The following RPH3A variants were observed in gnomAD, a reference collection of about 807,000 sequenced individuals.
RPH3A encodes rabphilin 3A.
In RPH3A, 48 loss-of-function variants were observed where a neutral mutation model predicts 102.2. The ratio of observed to expected loss-of-function variants is 0.47; its 90% CI spans 0.37 to 0.60. RPH3A has a LOEUF of 0.60. RPH3A is among the 20% of genes least tolerant of loss of function. RPH3A has a pLI of 0.00. For missense variants in RPH3A, 781 were observed against 910.1 expected (o/e 0.86, Z 1.83); for synonymous variants, 310 against 324.3 (o/e 0.96, Z 0.47).
intron 1 of RPH3A, among the ~76,000 whole-genome samples, chr12:112,628,756 A>G (rs1426457535): frequency 6.6e-6 from 1 of 151,914 alleles, no homozygotes; most frequent in Non-Finnish European, 1.5e-5. Flanking sequence ...GAAAAATTAC[A>G]AAAAACAAAC....
In RPH3A at chr12:112,875,065, T is replaced by C; in HGVS notation, c.797-19T>C. 1.3e-6 allele frequency: 2 copies of C among 1,590,894 alleles called. No individual in the cohort carries two copies. Among genetic ancestry groups the C allele is most frequent in the African/African-American group, 2.7e-5 (2 of 74,726 alleles). ...TGTGTGTGACACATAATGGCTGTTTTCTTTTCTTTCCTCTGCAGGTTTGAG... is the reference window on the plus strand; with the variant it reads ...TGTGTGTGACACATAATGGCTGTTTCCTTTTCTTTCCTCTGCAGGTTTGAG... On this transcript the variant is annotated intron_variant, in intron 10 of 21. Coordinates refer to ENST00000389385, the MANE Select transcript of RPH3A (RefSeq NM_001143854.2).
intron 1 of RPH3A, among the ~76,000 whole-genome samples, chr12:112,770,645 A>G (rs1389919416): frequency 6.6e-6 from 1 of 152,214 alleles, no homozygotes; most frequent in Non-Finnish European, 1.5e-5. Context: ...CAATTCTGTC[A>G]TTCTTAAAGT....
chr12:112,678,217 A>G (rs1323942920), intron 1 of RPH3A, among the ~76,000 whole-genome samples: 1 of 148,342 alleles, frequency 6.7e-6, no homozygotes, highest in Non-Finnish European at 1.5e-5. Flanking sequence ...CCTGGGCAAC[A>G]GAGCAAGACC....
chr12:112,751,136 T>A (rs1197318378), intron 1 of RPH3A, among the ~76,000 whole-genome samples: 1 of 152,252 alleles, frequency 6.6e-6, no homozygotes, highest in Non-Finnish European at 1.5e-5. Flanking sequence ...TTATTTAACC[T>A]CATTGTTGAG....
At chr12:112,581,949 A>G (rs1425010095) in intron 1 of RPH3A, among the ~76,000 whole-genome samples, 2 of 147,770 alleles carry the variant, frequency 1.4e-5, no homozygotes, top group Non-Finnish European at 3.0e-5. Context: ...CAGATCTAAG[A>G]TTCCTTGACA....
In RPH3A at chr12:112,879,210, G is replaced by A; in HGVS notation, c.1251+12G>A. 6.2e-6 allele frequency: 10 copies of A among 1,610,332 alleles called. No homozygotes were observed. The highest frequency in any genetic ancestry group is 7.6e-6 in the Non-Finnish European group (9 of 1,177,210). On this transcript the variant is annotated intron_variant, in intron 14 of 21. Transcript: ENST00000389385. ...TCATTAAGGCCAAGGTGGGTGATGG[G>A]GACCATGCAGGGAACCTCTCAGGAT...
In RPH3A at chr12:112,828,977, T is replaced by G. The variant is rs558952238; in HGVS notation, c.71+588T>G. Among the ~76,000 whole-genome samples the G allele has an allele frequency of 8.5e-5, 13 of 152,342 alleles. No homozygotes were observed. The South Asian group carries it at 2.1e-3, about 24-fold the overall frequency. ...GAAGACAAGTAGCAGCTCATATATT[T>G]AGACTGGCAAGAGCTCTCCAGTTTT... On this transcript the variant is annotated intron_variant, in intron 3 of 21. Transcript: ENST00000389385.
chr12:112,755,501 A>G (rs1282147761), intron 1 of RPH3A, among the ~76,000 whole-genome samples: 1 of 152,182 alleles, frequency 6.6e-6, no homozygotes, highest in Non-Finnish European at 1.5e-5. Flanking sequence ...GGGCTTGGTC[A>G]TGTGACTTGC....
At chr12:112,685,126 G>A (rs888857044) in intron 1 of RPH3A, among the ~76,000 whole-genome samples, 4 of 151,984 alleles carry the variant, frequency 2.6e-5, no homozygotes, top group African/African-American at 9.7e-5. Flanking sequence ...TTGTAGAGAT[G>A]GGTTCTCACT....
intron 1 of RPH3A, among the ~76,000 whole-genome samples, chr12:112,735,064 T>G (rs1200780867): frequency 2.0e-5 from 3 of 152,262 alleles, no homozygotes; most frequent in Non-Finnish European, 4.4e-5. Flanking sequence ...GGAGTCACTC[T>G]GGTTCGAACA....
intron 1 of RPH3A, among the ~76,000 whole-genome samples, chr12:112,739,820 A>G (rs1268176180): frequency 6.6e-6 from 1 of 152,168 alleles, no homozygotes; most frequent in African/African-American, 2.4e-5. Context: ...GAAGGAAGGA[A>G]AGACCAAGGA....
At chr12:112,796,644 G>C (rs1050994489) in intron 2 of RPH3A, among the ~76,000 whole-genome samples, 2 of 152,250 alleles carry the variant, frequency 1.3e-5, no homozygotes, top group African/African-American at 2.4e-5. Flanking sequence ...TACAGGCAAA[G>C]GACAGGCCTC....
chr12:112,737,188 AC>A (rs1412325249), intron 1 of RPH3A, among the ~76,000 whole-genome samples: 1 of 151,786 alleles, frequency 6.6e-6, no homozygotes, highest in African/African-American at 2.4e-5. Context: ...AAAAAAACAA[AC>A]AAAAGCTACT....
At chr12:112,850,840 C>T (rs116930312) in intron 5 of RPH3A, 2,628 of 152,208 alleles carry the variant, frequency 0.017, 30 homozygotes, top group Non-Finnish European at 0.026. Context: ...ACCTCAGTTC[C>T]CCACCCATCA....
At chr12:112,659,413 A>G (rs1167586155) in intron 1 of RPH3A, among the ~76,000 whole-genome samples, 1 of 152,068 alleles carries the variant, frequency 6.6e-6, no homozygotes, top group East Asian at 1.9e-4. Flanking sequence ...TGTCCCTCAG[A>G]TTTGATTTAT....
chr12:112,820,855 A>C (rs966270150), intron 2 of RPH3A, among the ~76,000 whole-genome samples: 8 of 152,190 alleles, frequency 5.3e-5, no homozygotes. Context: ...TGGGAGAACC[A>C]TATGGAGGGG....
intron 2 of RPH3A, among the ~76,000 whole-genome samples, chr12:112,812,324 T>C (rs1332035499): frequency 6.6e-6 from 1 of 152,182 alleles, no homozygotes; most frequent in Admixed American, 6.5e-5. Flanking sequence ...AATGAGGAAC[T>C]GGTGTCCACT....
chr12:112,799,450 T>G (rs2041297659), intron 2 of RPH3A, among the ~76,000 whole-genome samples: 1 of 152,132 alleles, frequency 6.6e-6, no homozygotes, highest in South Asian at 2.1e-4. Flanking sequence ...TGTGATGAGT[T>G]GGTCATCTTA....
At chr12:112,771,358 G>A (rs1020906060) in intron 1 of RPH3A, among the ~76,000 whole-genome samples, 1 of 152,060 alleles carries the variant, frequency 6.6e-6, no homozygotes, top group Admixed American at 6.6e-5. Context: ...GAAACACTTT[G>A]GATCTTGTTC....
Sources: gnomAD v4.1 joint callset for allele counts (sites outside exome capture counted in the v4.1 genomes callset) on GRCh38, gnomAD v4.1.1 for gene constraint, MANE v1.5 for transcripts, NCBI Gene and HGNC (gene_info 2026-07-23, HGNC 2026-07-21) for gene names.